NPFFR1: variants seen among roughly 807,000 people sequenced by gnomAD.
The protein encoded by NPFFR1 is neuropeptide FF receptor 1.
NPFFR1 carries 17 observed loss-of-function variants against 12.7 expected under a neutral mutation model. The ratio of observed to expected loss-of-function variants is 1.34; its 90% CI spans 0.92 to 2.01. The LOEUF (loss-of-function observed/expected upper bound fraction) is 2.01, where lower values mean the gene tolerates loss of function less well. Among genes scored for constraint, NPFFR1 ranks in the 30% most tolerant of loss-of-function variants. The pLI, the probability that NPFFR1 is intolerant of heterozygous loss-of-function variation, is 0.00. For missense variants in NPFFR1, 604 were observed against 606.5 expected, an observed-to-expected ratio of 1.00 and a Z score of 0.04; for synonymous variants, 296 against 264.5, an observed-to-expected ratio of 1.12 and a Z score of -1.16.
rs371737570 is a variant in NPFFR1 at position 70,255,329 on chromosome 10, G to A, written c.921C>T (p.Thr307=). Residue 307 remains threonine (T), a synonymous_variant, in exon 4 of 4, where the codon ACC becomes ACT. Coordinates refer to ENST00000277942, the MANE Select transcript of NPFFR1 (RefSeq NM_022146.5). This position sits in a 1 kb window ranked among gnomAD's most constrained non-coding sequence, Gnocchi z 4.2. ...AGTGCGCGAAGGGGAAGGCGTAGAC[G>A]GTGACCAGGTGCAGCTGCGGCGCGC... is the stretch of plus-strand genomic sequence containing the variant. ...QLSAPQLHLV[T]VYAFPFAHWL... 1.3e-3 allele frequency: 1,975 copies of A among 1,578,292 alleles called. 2 individuals are homozygous for A. Among genetic ancestry groups the A allele is most frequent in the Non-Finnish European group, 1.5e-3 (1,751 of 1,166,218 alleles).
intron 1 of NPFFR1, among the ~76,000 whole-genome samples, chr10:70,276,043 C>G (rs988074085): frequency 6.6e-6 from 1 of 152,184 alleles, no homozygotes; most frequent in African/African-American, 2.4e-5. Flanking sequence ...TTTTCTCATC[C>G]TCTTTGGGTA....
chr10:70,257,724 C>G (rs1390227466), intron 3 of NPFFR1, among the ~76,000 whole-genome samples: 1 of 152,152 alleles, frequency 6.6e-6, no homozygotes, highest in Admixed American at 6.5e-5. Context: ...TCCTGCCTGC[C>G]CCTGGGAACT....
chr10:70,265,996 C>T, intron 2 of NPFFR1, 81 bp downstream of exon 2: 1 of 1,356,600 alleles, frequency 7.4e-7, no homozygotes, highest in East Asian at 2.3e-5. Context: ...TATCTGTCTT[C>T]TAAGCTTTGA....
chr10:70,282,168 T>C (rs1399751948), intron 1 of NPFFR1, among the ~76,000 whole-genome samples: 2 of 152,190 alleles, frequency 1.3e-5, no homozygotes, highest in Non-Finnish European at 2.9e-5. Flanking sequence ...GAGCTCATTG[T>C]AGGTAACTTG....
At chr10:70,282,325 C>T (rs929530427) in intron 1 of NPFFR1, among the ~76,000 whole-genome samples, 1 of 152,220 alleles carries the variant, frequency 6.6e-6, no homozygotes, top group Non-Finnish European at 1.5e-5. Context: ...TATTCTTAGA[C>T]TTTGAAAGCT....
At chr10:70,261,188 T>C (rs939832661) in intron 2 of NPFFR1, among the ~76,000 whole-genome samples, 2 of 152,114 alleles carry the variant, frequency 1.3e-5, no homozygotes, top group Non-Finnish European at 2.9e-5. Context: ...GTTTCCTCCA[T>C]GCTATTCTTG....
rs1840733033 is a variant in NPFFR1, at chr10:70,270,302, G to C, written c.8-3911C>G. On this transcript the variant is annotated intron_variant, in intron 1 of 3. Coordinates refer to ENST00000277942, the MANE Select transcript of NPFFR1 (RefSeq NM_022146.5). ...TGCTGATGTTGGAAGGCCTTCTCCA[G>C]GCCCCTCCAGAAAGAACCCCCATGA... 2.0e-5 allele frequency among the ~76,000 whole-genome samples: 3 copies of C among 152,306 alleles called. No individual in the cohort carries two copies. The South Asian group carries it at 6.2e-4, about 32-fold the overall frequency.
intron 1 of NPFFR1, among the ~76,000 whole-genome samples, chr10:70,270,076 T>G (rs925688136): frequency 2.6e-5 from 4 of 152,232 alleles, no homozygotes; most frequent in Non-Finnish European, 5.9e-5. Context: ...TTTTTCCCCA[T>G]GCTTGACAGC....
At chr10:70,281,002 A>AAACAACAACAAC (rs144095454) in intron 1 of NPFFR1, among the ~76,000 whole-genome samples, 1 of 151,864 alleles carries the variant, frequency 6.6e-6, no homozygotes. Flanking sequence ...ACTCCGTCTC[A>AAACAACAACAAC]AACAACAACA....
Position 70,255,449 on chromosome 10 carries a change from G to T in NPFFR1, c.801C>A (p.Arg267=), listed in dbSNP as rs774613586. 2 of 1,547,960 alleles carry T rather than the reference G, an allele frequency of 1.3e-6. No homozygotes were observed. The highest frequency in any genetic ancestry group is 1.7e-6 in the Non-Finnish European group (2 of 1,146,492). The part of the protein sequence containing the change: ...ADPRASRRRA[R]VVHMLVMVAL... The stretch of plus-strand genomic sequence containing the variant: ...CCACCATGACCAGCATGTGCACCAC[G>T]CGCGCTCTGCGCCGCGATGCTCGCG... Residue 267 remains arginine, a synonymous_variant, in exon 4 of 4, where the codon CGC becomes CGA. Coordinates refer to ENST00000277942, the MANE Select transcript of NPFFR1 (RefSeq NM_022146.5). The surrounding 1 kb of genome is among the most constrained non-coding windows in gnomAD (Gnocchi z 4.2).
In NPFFR1 at chr10:70,266,226, A is replaced by G. The variant is rs751799701; in HGVS notation, c.173T>C (p.Met58Thr). Residue 58 changes from methionine to threonine, a missense_variant, in exon 2 of 4, where the codon ATG becomes ACG. Physicochemically the swap from Met to Thr is moderately conservative, Grantham distance 81 (BLOSUM62 -1). Transcript: ENST00000277942. ...VAYALIFLLCMVGNTLVCFIV... is the reference protein window; with the variant it reads ...VAYALIFLLCTVGNTLVCFIV... ...GAAACAGACCAGGGTGTTGCCCACC[A>G]TGCAGAGCAGGAAGATGAGCGCATA... 5 of 1,613,896 alleles carry G rather than the reference A, an allele frequency of 3.1e-6. No individual in the cohort carries two copies. In the Admixed American group the frequency reaches 8.3e-5, roughly 27 times the overall value.
chr10:70,277,026 T>C (rs754466487), intron 1 of NPFFR1, among the ~76,000 whole-genome samples: 34 of 152,200 alleles, frequency 2.2e-4, no homozygotes, highest in Non-Finnish European at 4.4e-4. Context: ...TACAGTAGAA[T>C]GGGCCACTCA....
Position 70,251,033 on chromosome 10 carries a change from A to G in NPFFR1, c.*3924T>C, listed in dbSNP as rs1046207316. On this transcript the variant is annotated 3_prime_UTR_variant, in exon 4 of 4. Transcript: ENST00000277942. ...CAATGATTATGTAGAGCTTTTGTAGAGAGAGAGAAAAACAACAATAAAATG... is the reference window on the plus strand; with the variant it reads ...CAATGATTATGTAGAGCTTTTGTAGGGAGAGAGAAAAACAACAATAAAATG... 5 of 145,942 alleles carry G rather than the reference A, an allele frequency of 3.4e-5. No homozygotes were observed. Among genetic ancestry groups the G allele is most frequent in the Admixed American group, 1.3e-4 (2 of 15,072 alleles). 9.0% of individuals were successfully genotyped at this position (145,942 alleles called of 1,614,324 possible).
rs1245797576 is a variant in NPFFR1 at position 70,283,715 on chromosome 10, G to A, written c.-39C>T. On this transcript the variant is annotated 5_prime_UTR_variant, in exon 1 of 4. Transcript: ENST00000277942. Reference sequence around the variant, plus strand: ...GCGGGCTCCGGCGGTCTCCGATGGCGGGAGGCAGCGGGCCCCTTCGGGCCA... The same window carrying A: ...GCGGGCTCCGGCGGTCTCCGATGGCAGGAGGCAGCGGGCCCCTTCGGGCCA... The A allele has an allele frequency of 2.6e-6, 4 of 1,533,852 alleles. 1 individual carries two copies. In the South Asian group the frequency reaches 3.6e-5, roughly 14 times the overall value.
chr10:70,255,108 G>A lies in NPFFR1; in HGVS notation c.1142C>T (p.Ser381Phe). ...AGGGCCCGACTCAGAGGGCAGCCCG[G>A]AGTCGCTGGGCCGCACCACCACGAA... ...RVFVVVRPSDSGLPSESGPSS... is the reference protein window; with the variant it reads ...RVFVVVRPSDFGLPSESGPSS... The change falls in exon 4 of 4, where the codon TCC (serine) becomes TTC (phenylalanine). Residue 381 changes from serine to phenylalanine, a missense_variant. Ser to Phe is a radical substitution (Grantham distance 155). Coordinates refer to ENST00000277942, the MANE Select transcript of NPFFR1 (RefSeq NM_022146.5). This position sits in a 1 kb window ranked among gnomAD's most constrained non-coding sequence, Gnocchi z 4.2. The A allele has an allele frequency of 6.7e-7, 1 of 1,490,518 alleles. No homozygotes were observed. The highest frequency in any genetic ancestry group is 8.9e-7 in the Non-Finnish European group (1 of 1,124,106). The allele number at this position is 1,490,518 out of a possible 1,614,324, so 92.3% of individuals were successfully genotyped here.
rs1439275239 is a variant in NPFFR1 at position 70,252,175 on chromosome 10, G to A, written c.*2782C>T. 1 of 152,234 alleles carries A rather than the reference G, an allele frequency of 6.6e-6. No individual in the cohort carries two copies. Among genetic ancestry groups the A allele is most frequent in the African/African-American group, 2.4e-5 (1 of 41,452 alleles). The allele number at this position is 152,234 out of a possible 1,614,324, so 9.4% of individuals were successfully genotyped here. On this transcript the variant is annotated 3_prime_UTR_variant, in exon 4 of 4. Coordinates refer to ENST00000277942, the MANE Select transcript of NPFFR1 (RefSeq NM_022146.5). ...GAATGAACAAAATGAGGACTATCTA[G>A]ACAATGGGATATTATTCAGCTTTTA... is the stretch of plus-strand genomic sequence containing the variant.
chr10:70,256,405 C>T (rs1042202588), intron 3 of NPFFR1, among the ~76,000 whole-genome samples: 1 of 152,210 alleles, frequency 6.6e-6, no homozygotes, highest in Non-Finnish European at 1.5e-5. Flanking sequence ...TGGGGGTCAA[C>T]TGATTAGCTG....
At chr10:70,258,599 A>G (rs7918489) in intron 3 of NPFFR1, among the ~76,000 whole-genome samples, 1,917 of 152,312 alleles carry the variant, frequency 0.013, 43 homozygotes, top group African/African-American at 0.044. Flanking sequence ...GTGAAGATTA[A>G]GTGAGATGAC....
At chr10:70,258,438 G>C (rs1314687412) in intron 3 of NPFFR1, among the ~76,000 whole-genome samples, 1 of 152,230 alleles carries the variant, frequency 6.6e-6, no homozygotes, top group Non-Finnish European at 1.5e-5. Context: ...TGTGAGGGCA[G>C]ATGCCTTGAC....
Sources: gnomAD v4.1 joint callset for allele counts (sites outside exome capture counted in the v4.1 genomes callset) on GRCh38, gnomAD v4.1.1 for gene constraint, Gnocchi (gnomAD v3.1) non-coding constraint, MANE v1.5 for transcripts, NCBI Gene and HGNC (gene_info 2026-07-23, HGNC 2026-07-21) for gene names.